Variants in LIPI observed in about 807,000 individuals in gnomAD.
The protein encoded by LIPI is lipase I, also known as lipase member I.
In LIPI, 59 loss-of-function variants were observed where a neutral mutation model predicts 50.6. The ratio of observed to expected loss-of-function variants is 1.16; its 90% CI spans 0.94 to 1.45. The LOEUF (loss-of-function observed/expected upper bound fraction) is 1.45, where lower values mean the gene tolerates loss of function less well. Among genes scored for constraint, LIPI ranks in the 40% most tolerant of loss-of-function variants. The pLI is 0.00. For synonymous variants in LIPI, 203 were observed against 178.2 expected (o/e 1.14, Z -1.11); for missense variants, 586 against 536.3 (o/e 1.09, Z -0.92).
intron 2 of LIPI, among the ~76,000 whole-genome samples, chr21:14,188,567 C>CAAAAAAAAA (rs577516831): frequency 3.0e-5 from 2 of 65,944 alleles, no homozygotes; most frequent in African/African-American, 5.7e-5. Context: ...GAACCTGTCT[C>CAAAAAAAAA]AAAAAAAAAA....
intron 3 of LIPI, among the ~76,000 whole-genome samples, chr21:14,182,838 A>G (rs1226260653): frequency 6.6e-6 from 1 of 152,196 alleles, no homozygotes. Context: ...GAAATAAAAG[A>G]GGATACAAAC....
intron 4 of LIPI, among the ~76,000 whole-genome samples, chr21:14,169,292 T>C (rs2018807000): frequency 6.6e-6 from 1 of 152,030 alleles, no homozygotes; most frequent in Admixed American, 6.6e-5. Context: ...CTGTCAACAT[T>C]AGACAGATCA....
chr21:14,197,522 C>T (rs399963), intron 1 of LIPI, among the ~76,000 whole-genome samples: 3 of 151,438 alleles, frequency 2.0e-5, no homozygotes, highest in East Asian at 1.9e-4. Context: ...AAAGAATCTC[C>T]GGGTTAGATT....
At chr21:14,146,770 C>CTTTTTTTTTT (rs1308738575) in intron 8 of LIPI, among the ~76,000 whole-genome samples, 13 of 64,854 alleles carry the variant, frequency 2.0e-4, no homozygotes, top group African/African-American at 8.6e-4. Flanking sequence ...TTCCCAGTCT[C>CTTTTTTTTTT]TATTTTTTTT....
At chr21:14,210,370 T>C (rs1161103796) in intron 1 of LIPI, among the ~76,000 whole-genome samples, 1 of 152,110 alleles carries the variant, frequency 6.6e-6, no homozygotes, top group Non-Finnish European at 1.5e-5. Context: ...ATTTTGTTTG[T>C]TTTGCAATCG....
At chr21:14,133,809 C>T (rs78498290) in intron 9 of LIPI, among the ~76,000 whole-genome samples, 4,141 of 152,202 alleles carry the variant, frequency 0.027, 180 homozygotes, top group African/African-American at 0.091. Context: ...CATACAAAAA[C>T]CAGTAGTGTT....
At chr21:14,131,014 G>A (rs1403710251) in intron 9 of LIPI, among the ~76,000 whole-genome samples, 4 of 152,110 alleles carry the variant, frequency 2.6e-5, no homozygotes, top group East Asian at 1.9e-4. Flanking sequence ...GCAGTGGCAC[G>A]ATCTCAGCTC....
intron 1 of LIPI, chr21:14,206,788 G>A (rs1416580233): frequency 7.5e-6 from 10 of 1,327,762 alleles, no homozygotes; most frequent in Non-Finnish European, 9.7e-6. Flanking sequence ...TTTTATATAT[G>A]AAGAAAGTGA....
chr21:14,207,589 G>T (rs1018500266), intron 1 of LIPI, among the ~76,000 whole-genome samples: 2 of 152,050 alleles, frequency 1.3e-5, no homozygotes, highest in Non-Finnish European at 2.9e-5. Flanking sequence ...TCTTAAAAAT[G>T]GATGTAAAAA....
At chr21:14,172,924 ATACTT>A (rs1383177510) in intron 4 of LIPI, among the ~76,000 whole-genome samples, 5 of 152,206 alleles carry the variant, frequency 3.3e-5, no homozygotes, top group African/African-American at 1.2e-4. Flanking sequence ...GCAGTCGAAA[ATACTT>A]TATAGTGGAA....
intron 4 of LIPI, among the ~76,000 whole-genome samples, chr21:14,180,749 T>C (rs1327310139): frequency 1.3e-5 from 2 of 152,212 alleles, no homozygotes; most frequent in Non-Finnish European, 2.9e-5. Flanking sequence ...AGGAGCAGAA[T>C]TGTTACCAGT....
intron 9 of LIPI, among the ~76,000 whole-genome samples, chr21:14,131,563 T>A (rs1390407719): frequency 6.6e-6 from 1 of 151,912 alleles, no homozygotes; most frequent in Non-Finnish European, 1.5e-5. Flanking sequence ...TAGGAAAAAA[T>A]TCTCCCCTAT....
At chr21:14,159,409 T>C (rs2123124775) in intron 7 of LIPI, among the ~76,000 whole-genome samples, 1 of 151,576 alleles carries the variant, frequency 6.6e-6, no homozygotes, top group African/African-American at 2.4e-5. Flanking sequence ...TATATGATCA[T>C]ATCAATTATG....
intron 9 of LIPI, among the ~76,000 whole-genome samples, chr21:14,115,282 TC>T (rs1382505953): frequency 6.6e-6 from 1 of 152,174 alleles, no homozygotes; most frequent in Non-Finnish European, 1.5e-5. Flanking sequence ...AAACATAGTT[TC>T]CCAGGGATGT....
At chr21:14,201,732 G>C (rs1395945536) in intron 1 of LIPI, among the ~76,000 whole-genome samples, 1 of 152,068 alleles carries the variant, frequency 6.6e-6, no homozygotes, top group Non-Finnish European at 1.5e-5. Context: ...CAATATCATA[G>C]TGAGTGGGCA....
chr21:14,129,099 G>C (rs562703145), intron 9 of LIPI, among the ~76,000 whole-genome samples: 61 of 152,188 alleles, frequency 4.0e-4, no homozygotes, highest in African/African-American at 1.1e-3. Context: ...AAATAGACAA[G>C]TATGTTTTAT....
chr21:14,126,964 C>T (rs1342454774), intron 9 of LIPI, among the ~76,000 whole-genome samples: 4 of 152,116 alleles, frequency 2.6e-5, no homozygotes, highest in Non-Finnish European at 5.9e-5. Flanking sequence ...ATCCATAGAA[C>T]TATACAACAA....
chr21:14,178,661 A>C (rs183000950), intron 4 of LIPI, among the ~76,000 whole-genome samples: 1 of 152,178 alleles, frequency 6.6e-6, no homozygotes, highest in African/African-American at 2.4e-5. Flanking sequence ...ACTTAATAAT[A>C]AGCACATTTT....
intron 1 of LIPI, among the ~76,000 whole-genome samples, chr21:14,202,378 A>G (rs1480176502): frequency 6.6e-6 from 1 of 152,188 alleles, no homozygotes; most frequent in Non-Finnish European, 1.5e-5. Context: ...TTGCCAAGTC[A>G]ATCCTAAGCC....
Sources: allele counts gnomAD v4.1 joint callset (sites outside exome capture counted in the v4.1 genomes callset), GRCh38; gene constraint gnomAD v4.1.1; transcripts MANE v1.5; gene names NCBI Gene and HGNC (gene_info 2026-07-23, HGNC 2026-07-21).